ARHGAP8: variants seen among roughly 807,000 people sequenced by gnomAD.
ARHGAP8 encodes rho GTPase-activating protein 8.
Under a neutral mutation model 46.1 loss-of-function variants are expected in ARHGAP8, and 62 were observed. The observed-to-expected ratio is 1.34, with a 90% CI of 1.10 to 1.66. The LOEUF (loss-of-function observed/expected upper bound fraction) is 1.66. Ranked by LOEUF, ARHGAP8 falls within the 40% of genes most tolerant of loss-of-function variation. The pLI is 0.00. For missense variants in ARHGAP8, 923 were observed against 568.4 expected, an observed-to-expected ratio of 1.62 and a Z score of -6.34; for synonymous variants, 375 against 243.1, an observed-to-expected ratio of 1.54 and a Z score of -5.05.
chr22:44,818,829 C>T (rs567141050), intron 5 of ARHGAP8, among the ~76,000 whole-genome samples: 59 of 149,954 alleles, frequency 3.9e-4, no homozygotes, highest in African/African-American at 1.4e-3. Context: ...CTCACATAGC[C>T]GGGATTACAG....
Position 44,825,586 on chromosome 22 carries a change from C to G in ARHGAP8, c.589C>G (p.Leu197Val). 6.2e-7 allele frequency: 1 copy of G among 1,612,964 alleles called. No homozygotes were observed. Among genetic ancestry groups the G allele is most frequent in the Non-Finnish European group, 8.5e-7 (1 of 1,179,576 alleles). The part of the protein sequence containing the change: ...PLPTQQFGVS[L>V]QYLKDKNQGE... ...GCCCACACAGCAGTTTGGCGTCAGT[C>G]TGCAATAGTAAGTGAGCCGGGGATG... The change falls in exon 7 of 12, where the codon CTG becomes GTG. Residue 197 changes from leucine to valine, a missense_variant. Transcript: ENST00000356099.
At chr22:44,779,097 CTT>C (rs532665716) in intron 1 of ARHGAP8, among the ~76,000 whole-genome samples, 11 of 26,116 alleles carry the variant, frequency 4.2e-4, no homozygotes, top group African/African-American at 6.0e-4. Context: ...TGGTCTCTGA[CTT>C]TTTTTTTTTT....
At chr22:44,859,461 T>G (rs1266499236) in intron 10 of ARHGAP8, among the ~76,000 whole-genome samples, 2 of 152,148 alleles carry the variant, frequency 1.3e-5, no homozygotes, top group Admixed American at 6.5e-5. Context: ...GCTGAACAGG[T>G]GCTGGTGCCA....
chr22:44,823,823 A>G (rs914344392), intron 6 of ARHGAP8, among the ~76,000 whole-genome samples: 1 of 152,114 alleles, frequency 6.6e-6, no homozygotes, highest in Non-Finnish European at 1.5e-5. Flanking sequence ...TACTGGGTGC[A>G]GTCTAGGGCC....
intron 7 of ARHGAP8, among the ~76,000 whole-genome samples, chr22:44,836,960 G>A (rs1304509125): frequency 1.3e-5 from 2 of 152,048 alleles, no homozygotes; most frequent in Non-Finnish European, 2.9e-5. Context: ...TCTCGTCTCA[G>A]TGCAACATCC....
intron 7 of ARHGAP8, among the ~76,000 whole-genome samples, chr22:44,840,328 G>C (rs557383867): frequency 6.6e-6 from 1 of 152,264 alleles, no homozygotes; most frequent in East Asian, 1.9e-4. Flanking sequence ...GTTCTGGGGG[G>C]TATCTGTTTC....
chr22:44,775,805 G>C (rs534723361), intron 1 of ARHGAP8, among the ~76,000 whole-genome samples: 3 of 152,016 alleles, frequency 2.0e-5, no homozygotes, highest in Admixed American at 6.6e-5. Context: ...AGCACAAATC[G>C]TATCTCATTT....
intron 4 of ARHGAP8, among the ~76,000 whole-genome samples, chr22:44,811,570 G>C (rs1159303492): frequency 3.3e-5 from 5 of 152,218 alleles, no homozygotes; most frequent in Non-Finnish European, 7.3e-5. Context: ...AGGTTGGATA[G>C]GGGTAGGGGT....
At position 44,814,703 on chromosome 22, in the gene ARHGAP8, G is replaced by A. The variant is rs780037118; in HGVS notation, c.331G>A (p.Val111Met). ...YKKNLKALYV[V>M]HPTSFIKVLW... is the part of the protein sequence containing the mutation. ...GAAGAACTTGAAGGCCCTCTACGTG[G>A]TGCACCCCACCAGCTTCATCAAGGT... is the stretch of plus-strand genomic sequence containing the variant. The change falls in exon 5 of 12, where the codon GTG (valine) becomes ATG (methionine). Residue 111 changes from valine (V) to methionine (M), a missense_variant. Coordinates refer to ENST00000356099, the MANE Select transcript of ARHGAP8 (RefSeq NM_181335.3). 4.1e-5 allele frequency: 66 copies of A among 1,613,980 alleles called. 1 individual carries two copies. In the Middle Eastern group the frequency reaches 8.3e-4, roughly 20 times the overall value.
chr22:44,752,583 G>C lies in ARHGAP8; in HGVS notation c.-116G>C, dbSNP rs1229349957. ...ACGTCCGGGGAGGGGCCAGGTGAGCGGCAGACCCGGCACGCAGGTGGGGGC... is the reference window on the plus strand; with the variant it reads ...ACGTCCGGGGAGGGGCCAGGTGAGCCGCAGACCCGGCACGCAGGTGGGGGC... On this transcript the variant is annotated 5_prime_UTR_variant, in exon 1 of 12. Transcript: ENST00000356099. 6 of 151,748 alleles carry C rather than the reference G, an allele frequency of 4.0e-5. No individual in the cohort carries two copies. The highest frequency in any genetic ancestry group is 8.8e-5 in the Non-Finnish European group (6 of 67,958). 9.4% of individuals were successfully genotyped at this position (151,748 alleles called of 1,614,324 possible).
chr22:44,846,181 G>A (rs2069951354), intron 8 of ARHGAP8, among the ~76,000 whole-genome samples: 1 of 152,234 alleles, frequency 6.6e-6, no homozygotes. Flanking sequence ...CCGCCACCGT[G>A]TGGTCCCTTG....
chr22:44,754,966 T>C lies in ARHGAP8; in HGVS notation c.-72+2339T>C, dbSNP rs572194687. Among the ~76,000 whole-genome samples, 11 of 152,176 alleles carry C rather than the reference T, an allele frequency of 7.2e-5. No individual in the cohort carries two copies. The East Asian group carries it at 2.1e-3, about 30-fold the overall frequency. On this transcript the variant is annotated intron_variant, in intron 1 of 11. Coordinates refer to ENST00000356099, the MANE Select transcript of ARHGAP8 (RefSeq NM_181335.3). ...AGAAGGAGTCAGCAGACCTGGTTTT[T>C]AGGCAGGTCACTCTCCTTCTGGGGC...
chr22:44,838,140 A>ATTTTTTTTTTTTTTTTTTT (rs61131873), intron 7 of ARHGAP8, among the ~76,000 whole-genome samples: 13 of 143,496 alleles, frequency 9.1e-5, no homozygotes, highest in African/African-American at 3.4e-4. Context: ...TGCCTGGCTA[A>ATTTTTTTTTTTTTTTTTTT]TTTTTTTTTT....
At chr22:44,827,594 C>T (rs573470776) in intron 7 of ARHGAP8, among the ~76,000 whole-genome samples, 2 of 152,040 alleles carry the variant, frequency 1.3e-5, no homozygotes, top group African/African-American at 2.4e-5. Flanking sequence ...CCACCTGCCT[C>T]GGCCTCCCAA....
chr22:44,786,385 G>A, intron 1 of ARHGAP8, 72 bp from the exon 2 acceptor site: 1 of 1,514,938 alleles, frequency 6.6e-7, no homozygotes, highest in Non-Finnish European at 8.9e-7. Context: ...CTTATGAAAG[G>A]CATCAGGAGG....
chr22:44,792,812 T>TGGTGGTGGTGGC (rs56751591), intron 2 of ARHGAP8, among the ~76,000 whole-genome samples: 3,412 of 124,970 alleles, frequency 0.027, 145 homozygotes, highest in African/African-American at 0.1. Flanking sequence ...GTGGTGGTGG[T>TGGTGGTGGTGGC]TTTTTTTGTT....
chr22:44,794,644 A>G (rs542396869), intron 2 of ARHGAP8, among the ~76,000 whole-genome samples: 6 of 152,250 alleles, frequency 3.9e-5, no homozygotes, highest in African/African-American at 1.4e-4. Flanking sequence ...CAGGAGATGG[A>G]GGTTGCTGTG....
chr22:44,835,980 C>G (rs565345839), intron 7 of ARHGAP8, among the ~76,000 whole-genome samples: 4 of 152,278 alleles, frequency 2.6e-5, no homozygotes, highest in African/African-American at 9.6e-5. Context: ...CACTGGCCTC[C>G]CATAGGCTCT....
At chr22:44,815,312 G>A (rs1001860689) in intron 5 of ARHGAP8, among the ~76,000 whole-genome samples, 3 of 152,252 alleles carry the variant, frequency 2.0e-5, no homozygotes, top group Admixed American at 6.5e-5. Context: ...TTTTTGTTGC[G>A]GGTCAGTCAT....
Sources: allele counts gnomAD v4.1 joint callset (sites outside exome capture counted in the v4.1 genomes callset), GRCh38; gene constraint gnomAD v4.1.1; transcripts MANE v1.5; gene names NCBI Gene and HGNC (gene_info 2026-07-23, HGNC 2026-07-21).